RIMBP2: variants seen among roughly 807,000 people sequenced by gnomAD.
RIMBP2 encodes the protein RIMS-binding protein 2.
A neutral mutation model predicts 118.6 loss-of-function variants in RIMBP2; 48 were observed. The ratio of observed to expected loss-of-function variants is 0.40; its 90% CI spans 0.32 to 0.51. RIMBP2 has a LOEUF of 0.51. Ranked by LOEUF, RIMBP2 falls within the 20% of genes least tolerant of loss-of-function variation. RIMBP2 has a pLI of 0.41. For missense variants in RIMBP2, 1,551 were observed against 1,768.3 expected, an observed-to-expected ratio of 0.88 and a Z score of 2.20; for synonymous variants, 762 against 742.9, an observed-to-expected ratio of 1.03 and a Z score of -0.42.
intron 19 of RIMBP2, among the ~76,000 whole-genome samples, chr12:130,409,377 C>G (rs1335629177): frequency 8.6e-6 from 1 of 115,842 alleles, no homozygotes; most frequent in East Asian, 2.9e-4. Flanking sequence ...GACTCTCGCT[C>G]TGTCGCCCAG....
intron 1 of RIMBP2, among the ~76,000 whole-genome samples, chr12:130,642,444 C>G (rs1273699703): frequency 3.3e-5 from 5 of 152,120 alleles, no homozygotes; most frequent in African/African-American, 1.2e-4. Flanking sequence ...GCTACCACGC[C>G]CAGCTAATTT....
At chr12:130,488,383 T>C (rs1449150215) in intron 4 of RIMBP2, among the ~76,000 whole-genome samples, 1 of 151,544 alleles carries the variant, frequency 6.6e-6, no homozygotes, top group Non-Finnish European at 1.5e-5. Flanking sequence ...AAATTCGTGG[T>C]GTTAGGTGGA....
chr12:130,566,177 A>G (rs908066131), intron 2 of RIMBP2, among the ~76,000 whole-genome samples: 4 of 114,812 alleles, frequency 3.5e-5, no homozygotes, highest in African/African-American at 1.3e-4. Context: ...ACACACATGC[A>G]CACACACACA....
At chr12:130,513,875 A>AG (rs1477073631) in intron 3 of RIMBP2, among the ~76,000 whole-genome samples, 1 of 152,238 alleles carries the variant, frequency 6.6e-6, no homozygotes, top group Non-Finnish European at 1.5e-5. Context: ...AGAATCAGAT[A>AG]GGGGAATTGC....
At chr12:130,522,615 C>A (rs1056101448) in intron 2 of RIMBP2, among the ~76,000 whole-genome samples, 3 of 152,180 alleles carry the variant, frequency 2.0e-5, no homozygotes, top group Non-Finnish European at 4.4e-5. Flanking sequence ...CGGGGCGCTG[C>A]GTAAAAGCAG....
chr12:130,709,559 T>G (rs1425635761), intron 1 of RIMBP2, among the ~76,000 whole-genome samples: 2 of 152,158 alleles, frequency 1.3e-5, no homozygotes, highest in Non-Finnish European at 2.9e-5. Flanking sequence ...TCCCAAGATT[T>G]TGGGGCTCCC....
At chr12:130,416,776 C>T (rs1422120333) in intron 17 of RIMBP2, among the ~76,000 whole-genome samples, 1 of 152,066 alleles carries the variant, frequency 6.6e-6, no homozygotes, top group Non-Finnish European at 1.5e-5. Context: ...ACAGAGTGAA[C>T]AACACCCTAC....
chr12:130,512,796 C>A (rs1261495226), intron 3 of RIMBP2, among the ~76,000 whole-genome samples: 3 of 152,148 alleles, frequency 2.0e-5, no homozygotes, highest in Non-Finnish European at 4.4e-5. Context: ...GGTTAGGAGC[C>A]CAGACGATTC....
chr12:130,658,256 A>G (rs1163714391), intron 1 of RIMBP2: 2 of 152,248 alleles, frequency 1.3e-5, no homozygotes, highest in African/African-American at 2.4e-5. Context: ...CTCTGAGCCC[A>G]GCCTGAGCAA....
intron 2 of RIMBP2, among the ~76,000 whole-genome samples, chr12:130,539,039 G>A (rs568204328): frequency 4.6e-5 from 7 of 152,288 alleles, no homozygotes; most frequent in African/African-American, 1.7e-4. Context: ...TCTAGACCAC[G>A]CTTCAGAAAA....
In RIMBP2 at chr12:130,679,847, A is replaced by G. The variant is rs547858225; in HGVS notation, c.-352+36375T>C. ...TCACCCACCGCGGGAAGGACCTGTG[A>G]CTGTGACCACGCAGAGAGTGTGTTC... is the stretch of plus-strand genomic sequence containing the variant. On this transcript the variant is annotated intron_variant, in intron 1 of 22. Transcript: ENST00000690449. 1.2e-3 allele frequency among the ~76,000 whole-genome samples: 182 copies of G among 152,384 alleles called. 1 individual carries two copies. Among genetic ancestry groups the G allele is most frequent in the African/African-American group, 4.1e-3 (169 of 41,604 alleles).
chr12:130,610,043 T>G (rs758188006), intron 2 of RIMBP2, among the ~76,000 whole-genome samples: 3 of 152,216 alleles, frequency 2.0e-5, no homozygotes, highest in Non-Finnish European at 4.4e-5. Flanking sequence ...GTGTGGCCAG[T>G]TCTCTGGGCA....
intron 1 of RIMBP2, among the ~76,000 whole-genome samples, chr12:130,685,249 C>A (rs573772700): frequency 2.6e-5 from 4 of 152,142 alleles, no homozygotes; most frequent in Admixed American, 6.5e-5. Context: ...TTTACCTCTC[C>A]GTCTCCAGAT....
At position 130,437,060 on chromosome 12, in the gene RIMBP2, C is replaced by T. The variant is rs767903221; in HGVS notation, c.1888G>A (p.Glu630Lys). 42 of 1,573,592 alleles carry T rather than the reference C, an allele frequency of 2.7e-5. No individual in the cohort carries two copies. Among genetic ancestry groups the T allele is most frequent in the Non-Finnish European group, 3.5e-5 (41 of 1,156,822 alleles). The change falls in exon 13 of 23, where the codon GAG becomes AAG. Residue 630 changes from glutamate to lysine, a missense_variant. Glu to Lys is a moderately conservative substitution (Grantham distance 56, BLOSUM62 1). This residue lies in a region of RIMBP2 where 1,038 missense variants were observed against 1,125.1 expected (regional missense o/e 0.92). Transcript: ENST00000690449. ...ATCCTGGCGTGGGGACCCAGGTGCTCGTCTTTGGTTTCGGGGACTCCAGAA... is the reference window on the plus strand; with the variant it reads ...ATCCTGGCGTGGGGACCCAGGTGCTTGTCTTTGGTTTCGGGGACTCCAGAA... ...ASSGVPETKD[E>K]HLGPHARMDE... is the part of the protein sequence containing the mutation.
intron 21 of RIMBP2, among the ~76,000 whole-genome samples, chr12:130,402,624 G>A (rs979809099): frequency 6.6e-5 from 10 of 152,022 alleles, no homozygotes; most frequent in Admixed American, 2.6e-4. Context: ...TCTCTCCTAC[G>A]CCTCATTTCC....
intron 2 of RIMBP2, among the ~76,000 whole-genome samples, chr12:130,575,394 A>T (rs1593866807): frequency 6.6e-6 from 1 of 151,922 alleles, no homozygotes; most frequent in East Asian, 2.0e-4. Context: ...TAAACTCTCC[A>T]GGCAGATATA....
At chr12:130,496,320 T>G (rs568865381) in intron 4 of RIMBP2, among the ~76,000 whole-genome samples, 2 of 152,094 alleles carry the variant, frequency 1.3e-5, no homozygotes, top group Non-Finnish European at 2.9e-5. Context: ...ACGTGACACA[T>G]GACTTTCACC....
intron 2 of RIMBP2, among the ~76,000 whole-genome samples, chr12:130,532,630 G>T (rs2053565780): frequency 7.0e-6 from 1 of 142,286 alleles, no homozygotes; most frequent in Non-Finnish European, 1.5e-5. Context: ...TAGCCTCTAG[G>T]AGGTACGTCT....
At chr12:130,458,315 G>A (rs756275319) in intron 6 of RIMBP2, among the ~76,000 whole-genome samples, 7 of 152,160 alleles carry the variant, frequency 4.6e-5, no homozygotes, top group Non-Finnish European at 7.3e-5. Flanking sequence ...TGTCTACCAA[G>A]ATAGGCATAG....
Sources: gnomAD v4.1 joint callset for allele counts (sites outside exome capture counted in the v4.1 genomes callset) on GRCh38, gnomAD v4.1.1 for gene constraint, gnomAD v4.1.1 regional missense constraint, MANE v1.5 for transcripts, NCBI Gene and HGNC (gene_info 2026-07-23, HGNC 2026-07-21) for gene names.